PGBD5: variants seen among roughly 807,000 people sequenced by gnomAD.
The protein encoded by PGBD5 is piggyBac transposable element derived 5.
In PGBD5, 14 loss-of-function variants were observed where a neutral mutation model predicts 47.9. That is an observed-to-expected ratio of 0.29 (90% CI 0.19 to 0.46). The LOEUF (loss-of-function observed/expected upper bound fraction) is 0.46, where lower values mean the gene tolerates loss of function less well. PGBD5 is among the 20% of genes least tolerant of loss of function. PGBD5 has a pLI of 1.00. For synonymous variants in PGBD5, 316 were observed against 306.3 expected (o/e 1.03, Z -0.33); for missense variants, 635 against 716.0 (o/e 0.89, Z 1.29).
At chr1:230,377,766 G>A in intron 1 of PGBD5, 1 of 1,300,294 alleles carries the variant, frequency 7.7e-7, no homozygotes, top group Non-Finnish European at 1.0e-6. Context: ...ATAAAGCACA[G>A]TGCAGCATCC....
intron 1 of PGBD5, among the ~76,000 whole-genome samples, chr1:230,396,192 C>T (rs1247776721): frequency 1.2e-4 from 12 of 96,936 alleles, no homozygotes; most frequent in African/African-American, 5.6e-4. Flanking sequence ...TCCTTTTTAC[C>T]CCCCCACTCT....
At chr1:230,361,646 G>A (rs911361739) in intron 1 of PGBD5, among the ~76,000 whole-genome samples, 5 of 152,212 alleles carry the variant, frequency 3.3e-5, no homozygotes, top group Admixed American at 3.3e-4. Flanking sequence ...AAAAGGAGAT[G>A]TTCCATTTAT....
intron 1 of PGBD5, among the ~76,000 whole-genome samples, chr1:230,367,061 G>T (rs1667846280): frequency 6.6e-6 from 1 of 152,088 alleles, no homozygotes; most frequent in Non-Finnish European, 1.5e-5. Flanking sequence ...CACTGAGATG[G>T]GAGGGACCAC....
In PGBD5 at chr1:230,357,414, T is replaced by C. The variant is rs1489008227; in HGVS notation, c.332-93A>G. The C allele has an allele frequency of 2.9e-6, 4 of 1,384,288 alleles. No individual in the cohort carries two copies. The highest frequency in any genetic ancestry group is 3.9e-6 in the Non-Finnish European group (4 of 1,013,782). The allele number at this position is 1,384,288 out of a possible 1,614,324, so 85.8% of individuals were successfully genotyped here. A position where few individuals can be genotyped will look rare whatever the true frequency, so the allele number is the denominator to read the frequency against. On this transcript the variant is annotated intron_variant, in intron 1 of 6. Transcript: ENST00000391860. The surrounding 1 kb of genome is among the most constrained non-coding windows in gnomAD (Gnocchi z 5.7). ...GCTGCATTTCCAATCCCTGGGTCCCTGGCCGAGTGCCCCCGCTGCCTCCAG... is the reference window on the plus strand; with the variant it reads ...GCTGCATTTCCAATCCCTGGGTCCCCGGCCGAGTGCCCCCGCTGCCTCCAG...
At chr1:230,424,700 A>C (rs1571869284) in intron 1 of PGBD5, among the ~76,000 whole-genome samples, 1 of 152,376 alleles carries the variant, frequency 6.6e-6, no homozygotes, top group African/African-American at 2.4e-5. Flanking sequence ...CACAGCATGC[A>C]GGAGCACGGG....
chr1:230,422,564 C>T (rs1657672098), intron 1 of PGBD5, among the ~76,000 whole-genome samples: 1 of 152,140 alleles, frequency 6.6e-6, no homozygotes, highest in South Asian at 2.1e-4. Context: ...ACAGCTAGCC[C>T]GACAAGCATA....
chr1:230,365,868 T>C (rs72765636), intron 1 of PGBD5, among the ~76,000 whole-genome samples: 5,772 of 152,326 alleles, frequency 0.038, 146 homozygotes, highest in Middle Eastern at 0.058. Context: ...AGAGATCAGG[T>C]CATGTATGTT....
chr1:230,336,776 C>A (rs1408566500), intron 4 of PGBD5, among the ~76,000 whole-genome samples: 2 of 152,160 alleles, frequency 1.3e-5, no homozygotes, highest in Non-Finnish European at 2.9e-5. Context: ...TAGAGCCTTA[C>A]TAGAAGCTGT....
intron 3 of PGBD5, among the ~76,000 whole-genome samples, chr1:230,340,754 G>C (rs1055313636): frequency 1.3e-5 from 2 of 152,006 alleles, no homozygotes; most frequent in Non-Finnish European, 2.9e-5. Context: ...GTAGCCTCTT[G>C]CTGTCTTGGA....
At chr1:230,412,542 C>T (rs568926369) in intron 1 of PGBD5, among the ~76,000 whole-genome samples, 1 of 152,190 alleles carries the variant, frequency 6.6e-6, no homozygotes, top group African/African-American at 2.4e-5. Flanking sequence ...GCACCCACCA[C>T]CACACCTGGC....
At chr1:230,368,736 A>G (rs1195714490) in intron 1 of PGBD5, among the ~76,000 whole-genome samples, 1 of 152,142 alleles carries the variant, frequency 6.6e-6, no homozygotes, top group Non-Finnish European at 1.5e-5. Flanking sequence ...AGGGTGAGGA[A>G]ACCCTTCTGG....
At chr1:230,337,062 C>A (rs1341237673) in intron 4 of PGBD5, 46 bp downstream of exon 4, 1 of 1,588,638 alleles carries the variant, frequency 6.3e-7, no homozygotes, top group Non-Finnish European at 8.6e-7. Flanking sequence ...ACCACTTTCC[C>A]AGGGGAGGCT....
At chr1:230,359,842 A>G (rs1545969) in intron 1 of PGBD5, among the ~76,000 whole-genome samples, 48,874 of 152,052 alleles carry the variant, frequency 0.32, 7,926 homozygotes, top group Admixed American at 0.37. Context: ...AAGCAACAGT[A>G]GCCTGGAGGG....
intron 1 of PGBD5, among the ~76,000 whole-genome samples, chr1:230,393,102 G>GAAAAAGAAGGGGAAGGGGA (rs1553288676): frequency 1.4e-5 from 2 of 138,624 alleles, no homozygotes; most frequent in African/African-American, 5.3e-5. Flanking sequence ...GAGGAAAGGG[G>GAAAAAGAAGGGGAAGGGGA]AAAAAGAAGG....
At chr1:230,397,286 C>A (rs993001854) in intron 1 of PGBD5, among the ~76,000 whole-genome samples, 1 of 152,222 alleles carries the variant, frequency 6.6e-6, no homozygotes, top group East Asian at 1.9e-4. Flanking sequence ...CTTTGCTAAC[C>A]TCAGTGGCTA....
At chr1:230,354,905 G>A (rs74143193) in intron 2 of PGBD5, among the ~76,000 whole-genome samples, 15,436 of 152,188 alleles carry the variant, frequency 0.1, 2,484 homozygotes, top group African/African-American at 0.34. Flanking sequence ...ACAAAGTAAT[G>A]GAAGGAGAGA....
intron 1 of PGBD5, chr1:230,377,551 T>G (rs1315004167): frequency 2.5e-6 from 4 of 1,611,006 alleles, no homozygotes; most frequent in Non-Finnish European, 3.4e-6. Flanking sequence ...GCTGAGCAAC[T>G]GCAGCTCAGG....
chr1:230,416,990 T>G (rs192351808), intron 1 of PGBD5, among the ~76,000 whole-genome samples: 1 of 152,208 alleles, frequency 6.6e-6, no homozygotes, highest in African/African-American at 2.4e-5. Flanking sequence ...ATGGCAATGA[T>G]ATAAGAAGTG....
rs1293590558 is a variant in PGBD5, at chr1:230,318,036, C to G, written c.*5389G>C. On this transcript the variant is annotated 3_prime_UTR_variant, in exon 7 of 7. Transcript: ENST00000391860. ...ACCACCGCCCTACACTCAAGAGAGG[C>G]TGCCCGGCCCCCACCAGACAGGGGT... is the stretch of plus-strand genomic sequence containing the variant. 1 of 152,388 alleles carries G rather than the reference C, an allele frequency of 6.6e-6. No individual in the cohort carries two copies. The highest frequency in any genetic ancestry group is 1.5e-5 in the Non-Finnish European group (1 of 68,190). The allele number at this position is 152,388 out of a possible 1,614,324, so 9.4% of individuals were successfully genotyped here.
Sources: allele counts gnomAD v4.1 joint callset (sites outside exome capture counted in the v4.1 genomes callset), GRCh38; gene constraint gnomAD v4.1.1; non-coding constraint Gnocchi (gnomAD v3.1); transcripts MANE v1.5; gene names NCBI Gene and HGNC (gene_info 2026-07-23, HGNC 2026-07-21).